Variants in POU6F2 observed in about 807,000 individuals in gnomAD.
POU6F2 encodes the protein POU domain, class 6, transcription factor 2.
A neutral mutation model predicts 71.3 loss-of-function variants in POU6F2; 31 were observed. The observed-to-expected ratio is 0.43, with a 90% CI of 0.33 to 0.59. The LOEUF (loss-of-function observed/expected upper bound fraction) is 0.59, where lower values mean the gene tolerates loss of function less well. Among genes scored for constraint, POU6F2 ranks in the 20% least tolerant of loss-of-function variants. The probability of loss-of-function intolerance (pLI) is 0.04; values close to 1 mark genes in which losing one functional copy is unlikely to be tolerated. For synonymous variants in POU6F2, 347 were observed against 355.7 expected (o/e 0.98, Z 0.27); for missense variants, 783 against 856.8 (o/e 0.91, Z 1.07).
intron 7 of POU6F2, among the ~76,000 whole-genome samples, chr7:39,444,029 A>T (rs2116084166): frequency 6.6e-6 from 1 of 152,324 alleles, no homozygotes; most frequent in African/African-American, 2.4e-5. Flanking sequence ...ATTTGTTTTA[A>T]TTTAATAAAA....
At chr7:39,248,122 A>C (rs1018573370) in intron 4 of POU6F2, among the ~76,000 whole-genome samples, 1 of 152,200 alleles carries the variant, frequency 6.6e-6, no homozygotes, top group Non-Finnish European at 1.5e-5. Flanking sequence ...GAAAGAAAGC[A>C]CAGTGGCATT....
intron 1 of POU6F2, among the ~76,000 whole-genome samples, chr7:39,025,458 A>G (rs1352738712): frequency 1.3e-5 from 2 of 152,138 alleles, no homozygotes; most frequent in East Asian, 3.9e-4. Context: ...ATCTACAACT[A>G]TCTGTTCTTT....
chr7:39,464,535 A>G lies in POU6F2; in HGVS notation c.2012A>G (p.Glu671Gly). Residue 671 changes from glutamate (E) to glycine (G), a missense_variant, in exon 10 of 10, where the codon GAG becomes GGG. Around this residue, in one of 2 missense-constraint regions of POU6F2, gnomAD observed 211 missense variants for 283.9 expected, o/e 0.74. Transcript: ENST00000518318. The surrounding 1 kb of genome is among the most constrained non-coding windows in gnomAD (Gnocchi z 4.1). ...GGGCAGGAAATGACCGAAATTGCTGAGAAGCTGAACTATGACCGAGAAGTA... is the reference window on the plus strand; with the variant it reads ...GGGCAGGAAATGACCGAAATTGCTGGGAAGCTGAACTATGACCGAGAAGTA... ...PSGQEMTEIAEKLNYDREVVR... is the reference protein window; with the variant it reads ...PSGQEMTEIAGKLNYDREVVR... The G allele has an allele frequency of 6.2e-7, 1 of 1,613,496 alleles. No individual in the cohort carries two copies.
chr7:39,107,871 C>A lies in POU6F2; in HGVS notation c.277+21840C>A, dbSNP rs565501542. ...CAAGAAGACTCCACCAGAAAAGAGA[C>A]AAAGGAATAAATGTTCCAATTTTAT... On this transcript the variant is annotated intron_variant, in intron 2 of 9. Transcript: ENST00000518318. Among the ~76,000 whole-genome samples, 275 of 152,222 alleles carry A rather than the reference C, an allele frequency of 1.8e-3. 1 individual carries two copies. Among genetic ancestry groups the A allele is most frequent in the Non-Finnish European group, 3.3e-3 (227 of 68,018 alleles).
chr7:39,066,910 CAT>C (rs1358524973), intron 1 of POU6F2, among the ~76,000 whole-genome samples: 1 of 146,998 alleles, frequency 6.8e-6, no homozygotes, highest in Non-Finnish European at 1.5e-5. Flanking sequence ...TATATAATAT[CAT>C]ATTATTATAA....
At chr7:39,324,140 C>T (rs1785461585) in intron 4 of POU6F2, among the ~76,000 whole-genome samples, 1 of 149,682 alleles carries the variant, frequency 6.7e-6, no homozygotes, top group Non-Finnish European at 1.5e-5. Flanking sequence ...AAGGCTCTTG[C>T]AGTGATGCAG....
intron 1 of POU6F2, among the ~76,000 whole-genome samples, chr7:39,041,318 AT>A (rs1388378898): frequency 6.6e-6 from 1 of 151,978 alleles, no homozygotes; most frequent in Non-Finnish European, 1.5e-5. Context: ...TGCTTATATA[AT>A]TGAGGTATTT....
intron 5 of POU6F2, among the ~76,000 whole-genome samples, chr7:39,389,997 C>G (rs891583946): frequency 6.6e-6 from 1 of 152,208 alleles, no homozygotes. Context: ...CCATTGCATT[C>G]CATTCCATTC....
At chr7:39,218,756 T>C (rs796839908) in intron 4 of POU6F2, among the ~76,000 whole-genome samples, 8 of 152,158 alleles carry the variant, frequency 5.3e-5, no homozygotes, top group African/African-American at 1.9e-4. Context: ...GACTTGGTGA[T>C]GGGTTAAATG....
chr7:39,175,473 G>A (rs1175671945), intron 2 of POU6F2, among the ~76,000 whole-genome samples: 1 of 152,174 alleles, frequency 6.6e-6, no homozygotes, highest in Admixed American at 6.5e-5. Flanking sequence ...CAAGACAGGT[G>A]TCTAGGGCCT....
At chr7:39,272,156 C>T (rs532722480) in intron 4 of POU6F2, among the ~76,000 whole-genome samples, 1 of 152,102 alleles carries the variant, frequency 6.6e-6, no homozygotes, top group Non-Finnish European at 1.5e-5. Flanking sequence ...GGGAAGAAAC[C>T]ATTCAGTGGT....
At chr7:39,229,990 G>A (rs969987397) in intron 4 of POU6F2, among the ~76,000 whole-genome samples, 3 of 152,196 alleles carry the variant, frequency 2.0e-5, no homozygotes, top group South Asian at 2.1e-4. Context: ...CTCACTGTTC[G>A]TGGTAGTCAA....
chr7:39,188,375 T>A (rs149852978), intron 2 of POU6F2, among the ~76,000 whole-genome samples: 62 of 152,250 alleles, frequency 4.1e-4, no homozygotes, highest in African/African-American at 1.3e-3. Flanking sequence ...TGCAGTGGCA[T>A]AATCTTGGCT....
chr7:39,148,391 T>G (rs1318648167), intron 2 of POU6F2, among the ~76,000 whole-genome samples: 2 of 152,198 alleles, frequency 1.3e-5, no homozygotes, highest in African/African-American at 2.4e-5. Flanking sequence ...TCTTCTGAGT[T>G]TTGATACGAT....
chr7:39,412,142 C>T (rs1324972201), intron 6 of POU6F2, among the ~76,000 whole-genome samples: 2 of 152,172 alleles, frequency 1.3e-5, no homozygotes, highest in African/African-American at 4.8e-5. Context: ...CCTCTGTTTC[C>T]TCACCAGTAA....
chr7:39,253,991 A>C (rs138913448), intron 4 of POU6F2, among the ~76,000 whole-genome samples: 2 of 152,142 alleles, frequency 1.3e-5, no homozygotes, highest in African/African-American at 2.4e-5. Context: ...AGGACACTTA[A>C]GGGCCATTGG....
chr7:39,003,228 T>C (rs1267606191), intron 1 of POU6F2, among the ~76,000 whole-genome samples: 2 of 152,182 alleles, frequency 1.3e-5, no homozygotes, highest in African/African-American at 4.8e-5. Context: ...TGTAGGATAT[T>C]TTGAAAACAT....
chr7:39,297,880 A>G (rs1784882667), intron 4 of POU6F2, among the ~76,000 whole-genome samples: 1 of 152,186 alleles, frequency 6.6e-6, no homozygotes, highest in African/African-American at 2.4e-5. Flanking sequence ...TCTTCGACAA[A>G]CTGACAAAAA....
chr7:39,424,599 C>T (rs762026293), intron 6 of POU6F2, among the ~76,000 whole-genome samples: 2 of 152,114 alleles, frequency 1.3e-5, no homozygotes, highest in Non-Finnish European at 2.9e-5. Context: ...TACAATGACT[C>T]CTCACTTAAT....
Sources: gnomAD v4.1 joint callset for allele counts (sites outside exome capture counted in the v4.1 genomes callset) on GRCh38, gnomAD v4.1.1 for gene constraint, gnomAD v4.1.1 regional missense constraint, Gnocchi (gnomAD v3.1) non-coding constraint, MANE v1.5 for transcripts, NCBI Gene and HGNC (gene_info 2026-07-23, HGNC 2026-07-21) for gene names.